The following PCDH15 variants were observed in gnomAD, a reference collection of about 807,000 sequenced individuals.
PCDH15 encodes the protein protocadherin-15.
Under a neutral mutation model 178.5 loss-of-function variants are expected in PCDH15, and 129 were observed. That is an observed-to-expected ratio of 0.72 (90% CI 0.63 to 0.84). The LOEUF is 0.84. PCDH15 is among the 40% of genes least tolerant of loss of function. PCDH15 has a pLI of 0.00. For missense variants in PCDH15, 2,230 were observed against 2,099.9 expected (o/e 1.06, Z -1.21); for synonymous variants, 800 against 732.0 (o/e 1.09, Z -1.50).
At chr10:55,254,964 T>A (rs982086619) in intron 1 of PCDH15, among the ~76,000 whole-genome samples, 4 of 145,052 alleles carry the variant, frequency 2.8e-5, no homozygotes, top group Non-Finnish European at 4.6e-5. Flanking sequence ...TTTTTTTTTT[T>A]ATTATACTTT....
chr10:53,984,148 C>CTTTTTTTTTTTTTTTTTTTTTTTTTT (rs66540462), intron 21 of PCDH15, among the ~76,000 whole-genome samples: 11 of 63,558 alleles, frequency 1.7e-4, no homozygotes, highest in South Asian at 5.2e-4. Context: ...TTTTTCTTTT[C>CTTTTTTTTTTTTTTTTTTTTTTTTTT]TTTTTTTTTT....
chr10:54,841,782 C>T (rs1477397434), intron 3 of PCDH15, among the ~76,000 whole-genome samples: 1 of 151,654 alleles, frequency 6.6e-6, no homozygotes, highest in African/African-American at 2.4e-5. Context: ...ATTAACATTT[C>T]AATTAAATAT....
intron 27 of PCDH15, among the ~76,000 whole-genome samples, chr10:53,864,018 T>A (rs2079279692): frequency 6.6e-6 from 1 of 152,110 alleles, no homozygotes. Flanking sequence ...TATTGGAGAT[T>A]CAGGAGCAGA....
intron 3 of PCDH15, among the ~76,000 whole-genome samples, chr10:54,872,297 TATTTA>T (rs1177371063): frequency 2.0e-5 from 3 of 152,092 alleles, no homozygotes; most frequent in African/African-American, 7.2e-5. Context: ...CCTAGTCACC[TATTTA>T]ATTTATCTCA....
At chr10:55,203,572 T>C (rs1840311685) in intron 1 of PCDH15, among the ~76,000 whole-genome samples, 1 of 152,096 alleles carries the variant, frequency 6.6e-6, no homozygotes, top group Non-Finnish European at 1.5e-5. Context: ...CAGAAATCAC[T>C]AGACTTTTCT....
chr10:55,455,797 C>T (rs940159620), intron 2 of PCDH15, among the ~76,000 whole-genome samples: 5 of 151,956 alleles, frequency 3.3e-5, no homozygotes, highest in Non-Finnish European at 7.4e-5. Context: ...AGACAAGGCA[C>T]CCCACAAGAA....
intron 3 of PCDH15, among the ~76,000 whole-genome samples, chr10:54,462,308 A>G (rs965623337): frequency 5.7e-5 from 8 of 141,492 alleles, no homozygotes; most frequent in Non-Finnish European, 1.1e-4. Context: ...ACATATATAT[A>G]TATATAAAAT....
chr10:54,197,767 C>T (rs1171421384), intron 10 of PCDH15, among the ~76,000 whole-genome samples: 1 of 151,914 alleles, frequency 6.6e-6, no homozygotes. Flanking sequence ...GACTTTTCAC[C>T]AAGAAATATT....
intron 2 of PCDH15, among the ~76,000 whole-genome samples, chr10:55,347,192 G>T (rs1844786021): frequency 6.6e-6 from 1 of 151,976 alleles, no homozygotes. Context: ...TCCAGCCTGG[G>T]AAATAGAGGG....
rs531123297 is a variant in PCDH15 at position 53,922,688 on chromosome 10, G to C, written c.3373+16127C>G. Among the ~76,000 whole-genome samples the C allele has an allele frequency of 7.2e-5, 11 of 152,086 alleles. No individual in the cohort carries two copies. In the East Asian group the frequency reaches 1.9e-3, roughly 27 times the overall value. On this transcript the variant is annotated intron_variant, in intron 25 of 37. Transcript: ENST00000644397. ...TTTACTGTTTGTCCTTTAAACTCAG[G>C]CATATCTGAGCATTTATGAAATATC...
At chr10:54,603,217 C>T (rs779308423) in intron 2 of PCDH15, among the ~76,000 whole-genome samples, 1 of 151,840 alleles carries the variant, frequency 6.6e-6, no homozygotes, top group Non-Finnish European at 1.5e-5. Context: ...TCTGAGACAT[C>T]TGTTGTAATG....
intron 1 of PCDH15, among the ~76,000 whole-genome samples, chr10:54,697,749 AAGGAAGGCCGGC>A (rs1479526147): frequency 6.7e-6 from 1 of 149,830 alleles, no homozygotes; most frequent in Non-Finnish European, 1.5e-5. Context: ...CAAGGAAGGC[AAGGAAGGCCGGC>A]AGGAAGGAAG....
chr10:54,752,529 C>CAAAA (rs150006610), intron 1 of PCDH15, among the ~76,000 whole-genome samples: 1 of 51,960 alleles, frequency 1.9e-5, no homozygotes, highest in Non-Finnish European at 4.9e-5. Context: ...AACAAACAAA[C>CAAAA]AAAAAAAAAC....
intron 2 of PCDH15, among the ~76,000 whole-genome samples, chr10:55,444,123 G>A (rs12570494): frequency 2.6e-5 from 4 of 151,454 alleles, no homozygotes; most frequent in African/African-American, 4.8e-5. Context: ...ATCACACACC[G>A]GGGCCTATCG....
At chr10:54,684,116 G>A (rs1002904817) in intron 1 of PCDH15, among the ~76,000 whole-genome samples, 1 of 151,916 alleles carries the variant, frequency 6.6e-6, no homozygotes, top group Admixed American at 6.6e-5. Context: ...TAAAATGCAT[G>A]TGTTATTGTA....
chr10:55,531,335 C>T (rs1413138742), intron 2 of PCDH15, among the ~76,000 whole-genome samples: 2 of 151,872 alleles, frequency 1.3e-5, no homozygotes, highest in African/African-American at 2.4e-5. Context: ...TACTTGAATT[C>T]GTTAGCTAGG....
intron 2 of PCDH15, among the ~76,000 whole-genome samples, chr10:54,949,618 A>G (rs971210577): frequency 6.6e-6 from 1 of 151,984 alleles, no homozygotes; most frequent in African/African-American, 2.4e-5. Flanking sequence ...TCAAATTTTT[A>G]TGCTCTGCTT....
intron 8 of PCDH15, among the ~76,000 whole-genome samples, chr10:54,306,766 C>T (rs917495164): frequency 6.6e-6 from 1 of 151,302 alleles, no homozygotes; most frequent in African/African-American, 2.4e-5. Flanking sequence ...CAGTTGCTCT[C>T]TCCCTCAAAT....
chr10:54,154,266 C>T (rs930212278), intron 13 of PCDH15, among the ~76,000 whole-genome samples: 1 of 152,054 alleles, frequency 6.6e-6, no homozygotes, highest in East Asian at 1.9e-4. Context: ...TTTCTGTATT[C>T]ATCATACAAA....
Sources: allele counts gnomAD v4.1 joint callset (sites outside exome capture counted in the v4.1 genomes callset), GRCh38; gene constraint gnomAD v4.1.1; transcripts MANE v1.5; gene names NCBI Gene and HGNC (gene_info 2026-07-23, HGNC 2026-07-21).